The following USP45 variants were observed in gnomAD, a reference collection of about 807,000 sequenced individuals.
USP45 encodes the protein ubiquitin specific peptidase 45, also known as ubiquitin carboxyl-terminal hydrolase 45.
Under a neutral mutation model 95.8 loss-of-function variants are expected in USP45, and 89 were observed. That is an observed-to-expected ratio of 0.93 (90% confidence interval 0.78 to 1.11). USP45 has a LOEUF of 1.11. Among genes scored for constraint, USP45 ranks in the 50% least tolerant of loss-of-function variants. The probability of loss-of-function intolerance (pLI) is 0.00; values close to 1 mark genes in which losing one functional copy is unlikely to be tolerated. For synonymous variants in USP45, 281 were observed against 316.2 expected (o/e 0.89, Z 1.18); for missense variants, 898 against 942.5 (o/e 0.95, Z 0.62).
rs370944890 is a variant in USP45 at position 99,446,193 on chromosome 6, C to T, written c.1579G>A (p.Gly527Ser). The T allele has an allele frequency of 1.3e-5, 21 of 1,613,988 alleles. No homozygotes were observed. The highest frequency in any genetic ancestry group is 2.2e-5 in the South Asian group (2 of 91,092). Residue 527 changes from glycine (G) to serine (S), a missense_variant, in exon 14 of 18, where the codon GGT (glycine) becomes AGT (serine). Coordinates refer to ENST00000500704, the MANE Select transcript of USP45 (RefSeq NM_001346022.3). ...TAAAGGGGTCCATCTGGCTGCACAC[C>T]GGATCCACTACTGGATCTGAACAGC... ...TGLFRSSSGS[G>S]VQPDGPLYPL... is the part of the protein sequence containing the mutation.
rs145255106 is a variant in USP45, at chr6:99,484,904, G to C, written c.715-2021C>G. Reference sequence around the variant, plus strand: ...CCATGTTAACTGAAAGTTACCTCAAGGGTCAAAAGTAAAATCTAAGGTAAT... The same window carrying C: ...CCATGTTAACTGAAAGTTACCTCAACGGTCAAAAGTAAAATCTAAGGTAAT... On this transcript the variant is annotated intron_variant, in intron 7 of 17. Transcript: ENST00000500704. Among the ~76,000 whole-genome samples, 1,200 of 151,990 alleles carry C rather than the reference G, an allele frequency of 7.9e-3. 16 individuals carry two copies. The highest frequency in any genetic ancestry group is 0.028 in the African/African-American group (1,150 of 41,414).
At chr6:99,476,663 A>G (rs182144820) in intron 8 of USP45, among the ~76,000 whole-genome samples, 266 of 152,328 alleles carry the variant, frequency 1.7e-3, no homozygotes, top group African/African-American at 6.0e-3. Context: ...GTTGGGATGT[A>G]CTGTTTTCTC....
intron 9 of USP45, among the ~76,000 whole-genome samples, chr6:99,472,619 C>A (rs1789723942): frequency 6.6e-6 from 1 of 152,108 alleles, no homozygotes; most frequent in African/African-American, 2.4e-5. Flanking sequence ...ATTGATAAAT[C>A]TGAATTAATC....
At chr6:99,503,667 C>G (rs1583440427) in intron 5 of USP45, 98 bp downstream of exon 5, 2 of 778,400 alleles carry the variant, frequency 2.6e-6, no homozygotes. Flanking sequence ...ATTGGCTGGG[C>G]TGTCACAGTA....
At chr6:99,484,950 T>C (rs892889625) in intron 7 of USP45, among the ~76,000 whole-genome samples, 1 of 152,158 alleles carries the variant, frequency 6.6e-6, no homozygotes, top group Non-Finnish European at 1.5e-5. Flanking sequence ...AAGTACCAAG[T>C]TGCACTTCCC....
intron 9 of USP45, among the ~76,000 whole-genome samples, chr6:99,473,107 C>T (rs1789853906): frequency 6.6e-6 from 1 of 151,466 alleles, no homozygotes; most frequent in African/African-American, 2.4e-5. Flanking sequence ...TATTCAAATA[C>T]AACATATTCA....
chr6:99,486,643 ATGTTATATATATAATAATAC>A (rs1414252675), intron 7 of USP45, among the ~76,000 whole-genome samples: 1 of 150,880 alleles, frequency 6.6e-6, no homozygotes, highest in East Asian at 1.9e-4. Flanking sequence ...ATATAACAGT[ATGTTATATATATAATAATAC>A]TGTCTTTCAA....
intron 7 of USP45, among the ~76,000 whole-genome samples, chr6:99,484,673 G>C (rs1793405889): frequency 6.6e-6 from 1 of 151,828 alleles, no homozygotes; most frequent in Non-Finnish European, 1.5e-5. Context: ...AGTGGCACGT[G>C]CCTGCAGTCC....
chr6:99,462,065 T>A, intron 13 of USP45: 4 of 985,394 alleles, frequency 4.1e-6, no homozygotes, highest in Non-Finnish European at 4.8e-6. Context: ...TTATTAGAAC[T>A]GTACTTTTCT....
chr6:99,514,976 C>CCGGGACCCAAG (rs1216208397), intron 1 of USP45: 1 of 152,234 alleles, frequency 6.6e-6, no homozygotes, highest in Non-Finnish European at 1.5e-5. Flanking sequence ...CCCAAGCAGT[C>CCGGGACCCAAG]CGGCCCCGGA....
intron 8 of USP45, 66 bp from the exon 9 acceptor site, chr6:99,476,296 T>C (rs989461078): frequency 4.8e-6 from 7 of 1,464,072 alleles, no homozygotes; most frequent in Non-Finnish European, 6.7e-6. Context: ...TCAACACTCT[T>C]CTCTAAATGC....
At position 99,437,390 on chromosome 6, in the gene USP45, C is replaced by T; in HGVS notation, c.2170G>A (p.Val724Met). The change falls in exon 17 of 18, where the codon GTG becomes ATG. Residue 724 changes from valine to methionine, a missense_variant. Coordinates refer to ENST00000500704, the MANE Select transcript of USP45 (RefSeq NM_001346022.3). ...AGACCGTAGAGAACTTTATCTCCCA[C>T]ACTTGCATTCTTTTAAACAAAGAAA... ...FCSATCKNAS[V>M]GDKVLYGLYG... 1 of 1,585,082 alleles carries T rather than the reference C, an allele frequency of 6.3e-7. No homozygotes were observed. The highest frequency in any genetic ancestry group is 8.5e-7 in the Non-Finnish European group (1 of 1,172,436).
intron 10 of USP45, chr6:99,468,198 C>T (rs1788457722): frequency 2.2e-6 from 1 of 462,130 alleles, no homozygotes; most frequent in Non-Finnish European, 4.3e-6. Flanking sequence ...ATCCATTGAT[C>T]CAAACACATG....
At chr6:99,458,406 C>T (rs1256892706) in intron 13 of USP45, among the ~76,000 whole-genome samples, 2 of 152,180 alleles carry the variant, frequency 1.3e-5, no homozygotes, top group Non-Finnish European at 2.9e-5. Flanking sequence ...CTGAACTAGG[C>T]ACCTGAGACA....
At chr6:99,484,047 C>T (rs1165061910) in intron 7 of USP45, among the ~76,000 whole-genome samples, 2 of 120,572 alleles carry the variant, frequency 1.7e-5, no homozygotes, top group East Asian at 6.0e-4. Context: ...GTTGCCCAGG[C>T]TGGTCTTGAA....
intron 13 of USP45, among the ~76,000 whole-genome samples, chr6:99,457,883 A>C (rs1265776863): frequency 2.6e-5 from 4 of 152,188 alleles, no homozygotes; most frequent in Admixed American, 6.5e-5. Context: ...GAATGAGACT[A>C]TTCTATCTAT....
chr6:99,437,042 A>G (rs1780616351), intron 17 of USP45, among the ~76,000 whole-genome samples: 1 of 152,206 alleles, frequency 6.6e-6, no homozygotes, highest in South Asian at 2.1e-4. Context: ...CAGAGGTTGC[A>G]GTGAGCCAAG....
intron 5 of USP45, chr6:99,501,778 A>G: frequency 2.2e-6 from 1 of 464,500 alleles, no homozygotes; most frequent in Non-Finnish European, 3.2e-6. Flanking sequence ...AAAGTATACA[A>G]TAACAAAATA....
At chr6:99,517,213 A>C (rs1801168036), upstream of USP45, among the ~76,000 whole-genome samples, 1 of 112,420 alleles carries the variant, frequency 8.9e-6, no homozygotes, top group Non-Finnish European at 2.1e-5. Flanking sequence ...AATTATTTTT[A>C]AATATTACTC....
Sources: allele counts gnomAD v4.1 joint callset (sites outside exome capture counted in the v4.1 genomes callset), GRCh38; gene constraint gnomAD v4.1.1; transcripts MANE v1.5; gene names NCBI Gene and HGNC (gene_info 2026-07-23, HGNC 2026-07-21).